R3HDM4: variants seen among roughly 807,000 people sequenced by gnomAD.
R3HDM4 encodes the protein R3H domain containing 4, also known as R3H domain-containing protein 4.
Under a neutral mutation model 31.3 loss-of-function variants are expected in R3HDM4, and 30 were observed. The observed-to-expected ratio is 0.96, with a 90% CI of 0.72 to 1.30. The LOEUF is 1.30. Ranked by LOEUF, R3HDM4 falls within the 50% of genes most tolerant of loss-of-function variation. The pLI is 0.00. For missense variants in R3HDM4, 444 were observed against 366.1 expected, an observed-to-expected ratio of 1.21 and a Z score of -1.74; for synonymous variants, 196 against 156.6, an observed-to-expected ratio of 1.25 and a Z score of -1.88.
intron 3 of R3HDM4, 39 bp downstream of exon 3, chr19:901,383 G>C: frequency 6.3e-7 from 1 of 1,584,958 alleles, no homozygotes. Flanking sequence ...AACTGCCGGG[G>C]TCCCCGTGTG....
chr19:897,209 A>G lies in R3HDM4; in HGVS notation c.*228T>C. ...AGGTCAGGTCTCCCCACCCAAACAC[A>G]AGTCCCGGAGTGGGAAGCTTGGAGC... On this transcript the variant is annotated 3_prime_UTR_variant, in exon 8 of 8. Transcript: ENST00000361574. The G allele has an allele frequency of 2.1e-6, 1 of 484,926 alleles. No homozygotes were observed. Among genetic ancestry groups the G allele is most frequent in the Non-Finnish European group, 3.6e-6 (1 of 274,262 alleles). The allele number at this position is 484,926 out of a possible 1,614,324, so 30.0% of individuals were successfully genotyped here.
chr19:909,376 C>T (rs545572810), intron 1 of R3HDM4, among the ~76,000 whole-genome samples: 16 of 152,260 alleles, frequency 1.1e-4, no homozygotes, highest in Admixed American at 2.0e-4. Flanking sequence ...CAGACTGCGG[C>T]GGCCCCCAGC....
intron 1 of R3HDM4, among the ~76,000 whole-genome samples, chr19:906,803 G>C (rs924751902): frequency 1.2e-4 from 9 of 75,470 alleles, no homozygotes; most frequent in African/African-American, 3.8e-4. Flanking sequence ...ATACAGATTT[G>C]GGGTTTTTTT....
intron 1 of R3HDM4, among the ~76,000 whole-genome samples, chr19:911,307 G>A (rs1012079858): frequency 1.3e-5 from 2 of 152,128 alleles, no homozygotes; most frequent in East Asian, 1.9e-4. Flanking sequence ...AGCTGAACGT[G>A]GTGGCGGGCG....
intron 1 of R3HDM4, among the ~76,000 whole-genome samples, chr19:903,854 T>G (rs1007109711): frequency 2.0e-5 from 3 of 152,012 alleles, no homozygotes; most frequent in African/African-American, 7.3e-5. Flanking sequence ...ATTGAGACCA[T>G]CCCGGCTAAC....
chr19:899,977 C>A lies in R3HDM4; in HGVS notation c.561+84G>T. On this transcript the variant is annotated intron_variant, in intron 5 of 7. Coordinates refer to ENST00000361574, the MANE Select transcript of R3HDM4 (RefSeq NM_138774.4). This position sits in a 1 kb window ranked among gnomAD's most constrained non-coding sequence, Gnocchi z 6.8. The stretch of plus-strand genomic sequence containing the variant: ...CTGTTTCCCCTGACACGACCTGCAC[C>A]GGGTGAGAACCTGTGCCTGGGAAAC... The A allele has an allele frequency of 7.3e-7, 1 of 1,365,464 alleles. No individual in the cohort carries two copies. Among genetic ancestry groups the A allele is most frequent in the Non-Finnish European group, 1.0e-6 (1 of 960,028 alleles). 84.6% of individuals were successfully genotyped at this position (1,365,464 alleles called of 1,614,324 possible). A position where few individuals can be genotyped will look rare whatever the true frequency, so the allele number is the denominator to read the frequency against.
chr19:912,100 T>G (rs905044353), intron 1 of R3HDM4, among the ~76,000 whole-genome samples: 23 of 444 alleles, frequency 0.052, no homozygotes, highest in Non-Finnish European at 0.07. Flanking sequence ...CCCGGGGAGG[T>G]GGGGGGGGGG....
intron 1 of R3HDM4, among the ~76,000 whole-genome samples, chr19:903,411 T>G (rs1599359814): frequency 6.9e-6 from 1 of 145,392 alleles, no homozygotes; most frequent in African/African-American, 2.6e-5. Context: ...CCACTCAGTG[T>G]GGGGGGAATA....
At position 900,915 on chromosome 19, in the gene R3HDM4, T is replaced by G; in HGVS notation, c.389A>C (p.Gln130Pro). The change falls in exon 4 of 8, where the codon CAG becomes CCG. Residue 130 changes from glutamine (Q) to proline (P), a missense_variant. By Grantham distance (76) the Gln-to-Pro change is moderately conservative. Coordinates refer to ENST00000361574, the MANE Select transcript of R3HDM4 (RefSeq NM_138774.4). ...NDFMNRSGEEQERVLRYLEDE... is the reference protein window; with the variant it reads ...NDFMNRSGEEPERVLRYLEDE... ...CTCCAGGTAGCGAAGAACCCGCTCC[T>G]GCTCCTCCCCGGAGCGGTTCATGAA... The G allele has an allele frequency of 1.9e-6, 3 of 1,607,510 alleles. No individual in the cohort carries two copies. The highest frequency in any genetic ancestry group is 2.5e-6 in the Non-Finnish European group (3 of 1,177,740).
chr19:906,028 C>T (rs1235844113), intron 1 of R3HDM4, among the ~76,000 whole-genome samples: 2 of 151,860 alleles, frequency 1.3e-5, no homozygotes, highest in South Asian at 2.1e-4. Flanking sequence ...ACCCTGAAAC[C>T]CCCTTTTTTT....
intron 3 of R3HDM4, 200 bp from the exon 4 acceptor site, chr19:901,152 G>A (rs1160885494): frequency 2.8e-6 from 2 of 704,702 alleles, no homozygotes; most frequent in East Asian, 2.9e-5. Context: ...CAGCTGTCTC[G>A]GGGTGGGGGG....
chr19:902,587 T>C (rs2036852103), intron 1 of R3HDM4: 1 of 164,596 alleles, frequency 6.1e-6, no homozygotes, highest in Non-Finnish European at 1.3e-5. Flanking sequence ...GAGGTTGGCA[T>C]GATGGCACCA....
intron 1 of R3HDM4, among the ~76,000 whole-genome samples, chr19:911,342 G>C (rs1200123546): frequency 6.6e-6 from 1 of 152,176 alleles, no homozygotes; most frequent in Non-Finnish European, 1.5e-5. Context: ...TACTGGGGAG[G>C]CTGCCGCAGG....
At chr19:898,399 G>C (rs2036772214) in intron 7 of R3HDM4, among the ~76,000 whole-genome samples, 1 of 63,548 alleles carries the variant, frequency 1.6e-5, no homozygotes, top group Non-Finnish European at 3.3e-5. Context: ...AGCGAGACTT[G>C]GTCTCAAAAA....
In R3HDM4 at chr19:900,112, C is replaced by T. The variant is rs572633918; in HGVS notation, c.510G>A (p.Gln170=). The T allele has an allele frequency of 6.2e-7, 1 of 1,605,810 alleles. No individual in the cohort carries two copies. Among genetic ancestry groups the T allele is most frequent in the Admixed American group, 1.7e-5 (1 of 58,782 alleles). ...CGGCTCGCAGACGCCGGCTGATGCG[C>T]TGGAAGCACTCGCGGGGTGTATAGG... ...DPAYTPRECF[Q]RISRRLRAVL... The change falls in exon 5 of 8, where the codon CAG becomes CAA. Residue 170 remains glutamine (Q), a synonymous_variant. Transcript: ENST00000361574.
At chr19:902,662 G>C (rs1001395831) in intron 1 of R3HDM4, 1 of 152,668 alleles carries the variant, frequency 6.6e-6, no homozygotes, top group African/African-American at 2.4e-5. Context: ...ATTAGGTCAG[G>C]CACATTGATT....
intron 1 of R3HDM4, among the ~76,000 whole-genome samples, chr19:906,694 G>A (rs374166635): frequency 6.6e-6 from 1 of 152,130 alleles, no homozygotes; most frequent in Admixed American, 6.6e-5. Context: ...GCTTTTGATC[G>A]TAAGTGTCGC....
intron 1 of R3HDM4, among the ~76,000 whole-genome samples, chr19:905,553 C>T (rs1439572056): frequency 6.7e-6 from 1 of 149,454 alleles, no homozygotes; most frequent in Non-Finnish European, 1.5e-5. Context: ...GGCATGGTGG[C>T]ATGCACCTGT....
chr19:903,316 C>T (rs1391008268), intron 1 of R3HDM4, among the ~76,000 whole-genome samples: 3 of 151,910 alleles, frequency 2.0e-5, no homozygotes, highest in Admixed American at 2.0e-4. Context: ...CAGAGCTAAT[C>T]GGCCTGGCCG....
Sources: gnomAD v4.1 joint callset for allele counts (sites outside exome capture counted in the v4.1 genomes callset) on GRCh38, gnomAD v4.1.1 for gene constraint, Gnocchi (gnomAD v3.1) non-coding constraint, MANE v1.5 for transcripts, NCBI Gene and HGNC (gene_info 2026-07-23, HGNC 2026-07-21) for gene names.